The following RTKN2 variants were observed in gnomAD, a reference collection of about 807,000 sequenced individuals.
The protein encoded by RTKN2 is rhotekin 2.
A neutral mutation model predicts 71.5 loss-of-function variants in RTKN2; 69 were observed. The observed-to-expected ratio is 0.96, with a 90% CI of 0.79 to 1.18. RTKN2 has a LOEUF of 1.18. RTKN2 is among the 50% of genes most tolerant of loss of function. The probability of loss-of-function intolerance (pLI) is 0.00; values close to 1 mark genes in which losing one functional copy is unlikely to be tolerated. For synonymous variants in RTKN2, 236 were observed against 236.5 expected (o/e 1.00, Z 0.02); for missense variants, 724 against 719.7 (o/e 1.01, Z -0.07).
At chr10:62,268,139 T>C (rs2133123899) in intron 1 of RTKN2, among the ~76,000 whole-genome samples, 1 of 152,318 alleles carries the variant, frequency 6.6e-6, no homozygotes, top group East Asian at 1.9e-4. Flanking sequence ...TAGACATCGC[T>C]CCATTACTGT....
chr10:62,261,157 C>T (rs1842765830), intron 2 of RTKN2, among the ~76,000 whole-genome samples: 1 of 152,182 alleles, frequency 6.6e-6, no homozygotes, highest in Non-Finnish European at 1.5e-5. Context: ...AAACATTTTC[C>T]TACATTATGC....
intron 2 of RTKN2, among the ~76,000 whole-genome samples, chr10:62,247,647 T>C (rs1274917998): frequency 1.3e-5 from 2 of 152,010 alleles, no homozygotes; most frequent in Non-Finnish European, 2.9e-5. Flanking sequence ...TGCTTATTAC[T>C]TCCTCACAGA....
At chr10:62,231,569 CA>C (rs1290939008) in intron 6 of RTKN2, among the ~76,000 whole-genome samples, 2 of 152,152 alleles carry the variant, frequency 1.3e-5, no homozygotes, top group African/African-American at 4.8e-5. Context: ...TCTAAAACAT[CA>C]CACTCATTCC....
intron 10 of RTKN2, among the ~76,000 whole-genome samples, 191 bp downstream of exon 10, chr10:62,204,666 A>G (rs1395170569): frequency 6.6e-6 from 1 of 152,202 alleles, no homozygotes; most frequent in African/African-American, 2.4e-5. Flanking sequence ...CCAAACGTAT[A>G]CTATACAATA....
intron 4 of RTKN2, 111 bp from the exon 5 acceptor site, chr10:62,239,876 C>T (rs1842337940): frequency 3.1e-6 from 2 of 646,478 alleles, no homozygotes. Flanking sequence ...TCTTTTCATA[C>T]ATTGTATACT....
rs1841253822 is a variant in RTKN2, at chr10:62,193,290, T to C, written c.*4618A>G. On this transcript the variant is annotated 3_prime_UTR_variant, in exon 12 of 12. Coordinates refer to ENST00000373789, the MANE Select transcript of RTKN2 (RefSeq NM_145307.4). ...TTCAATCTACCTCTCCTTTAGTAGTTACATTAAGAGATTACCATGTCTCAA... is the reference window on the plus strand; with the variant it reads ...TTCAATCTACCTCTCCTTTAGTAGTCACATTAAGAGATTACCATGTCTCAA... The C allele has an allele frequency of 3.1e-6, 3 of 974,560 alleles. No individual in the cohort carries two copies. Among genetic ancestry groups the C allele is most frequent in the South Asian group, 9.5e-5 (2 of 21,060 alleles). The allele number at this position is 974,560 out of a possible 1,614,324, so 60.4% of individuals were successfully genotyped here. A position where few individuals can be genotyped will look rare whatever the true frequency, so the allele number is the denominator to read the frequency against.
Position 62,198,077 on chromosome 10 carries a change from T to A in RTKN2, c.1661A>T (p.Lys554Ile). 1 of 1,614,142 alleles carries A rather than the reference T, an allele frequency of 6.2e-7. No homozygotes were observed. The highest frequency in any genetic ancestry group is 8.5e-7 in the Non-Finnish European group (1 of 1,179,994). Residue 554 changes from lysine to isoleucine, a missense_variant, in exon 12 of 12, where the codon AAA becomes ATA. Transcript: ENST00000373789. ...KLSTLMHHLQKPMAAPRKLLP... is the reference protein window; with the variant it reads ...KLSTLMHHLQIPMAAPRKLLP... ...AAGTTTTCGAGGAGCAGCCATTGGT[T>A]TCTGTAAGTGATGCATTAGAGTTGA...
intron 4 of RTKN2, 22 bp downstream of exon 4, chr10:62,241,120 T>G (rs766406906): frequency 7.1e-7 from 1 of 1,404,600 alleles, no homozygotes; most frequent in African/African-American, 1.4e-5. Context: ...ACATTTCAAT[T>G]ACAAATTAAA....
Position 62,195,016 on chromosome 10 carries a change from T to C in RTKN2, c.*2892A>G. On this transcript the variant is annotated 3_prime_UTR_variant, in exon 12 of 12. Coordinates refer to ENST00000373789, the MANE Select transcript of RTKN2 (RefSeq NM_145307.4). ...GACTATTTACCTTAGGAGGTGTGCA[T>C]TTAGAATTTTAAAAATGCCTTCTTT... 1.0e-6 allele frequency: 1 copy of C among 985,216 alleles called. No individual in the cohort carries two copies. Among genetic ancestry groups the C allele is most frequent in the Non-Finnish European group, 1.2e-6 (1 of 829,732 alleles). 61.0% of individuals were successfully genotyped at this position (985,216 alleles called of 1,614,324 possible).
At chr10:62,245,615 T>C (rs1480136987) in intron 3 of RTKN2, among the ~76,000 whole-genome samples, 1 of 152,124 alleles carries the variant, frequency 6.6e-6, no homozygotes, top group South Asian at 2.1e-4. Flanking sequence ...CAAAACCTCA[T>C]GGAACTTCTG....
chr10:62,244,407 A>G (rs1842439287), intron 3 of RTKN2, among the ~76,000 whole-genome samples: 1 of 152,134 alleles, frequency 6.6e-6, no homozygotes. Flanking sequence ...TTTTTATTTT[A>G]TTTTAAATAC....
chr10:62,218,083 T>C lies in RTKN2; in HGVS notation c.888+112A>G, dbSNP rs113180872. ...CTGATAACATTTAGAAAACTGACAT[T>C]TAAAAAAAGACTTAAAAAATACTTC... On this transcript the variant is annotated intron_variant, in intron 8 of 11. Coordinates refer to ENST00000373789, the MANE Select transcript of RTKN2 (RefSeq NM_145307.4). 0.015 allele frequency: 10,563 copies of C among 685,738 alleles called. 781 individuals are homozygous for C. The African/African-American group carries it at 0.16, about 11-fold the overall frequency. The allele number at this position is 685,738 out of a possible 1,614,324, so 42.5% of individuals were successfully genotyped here.
chr10:62,188,516 CAG>C (rs1236227361), downstream of RTKN2, among the ~76,000 whole-genome samples: 1 of 152,244 alleles, frequency 6.6e-6, no homozygotes, highest in East Asian at 1.9e-4. Flanking sequence ...GGAAGAGTGT[CAG>C]AGAGTTCGTG....
chr10:62,219,567 G>T (rs981736489), intron 7 of RTKN2, among the ~76,000 whole-genome samples: 1 of 152,068 alleles, frequency 6.6e-6, no homozygotes, highest in Non-Finnish European at 1.5e-5. Context: ...TGAATGTCCT[G>T]ATAGTAGGAA....
intron 6 of RTKN2, among the ~76,000 whole-genome samples, chr10:62,227,593 G>C (rs78441529): frequency 1.1e-4 from 16 of 152,138 alleles, no homozygotes; most frequent in African/African-American, 3.9e-4. Flanking sequence ...GGTGGGGCAC[G>C]GTAAGGAACA....
chr10:62,221,010 T>C (rs1449457157), intron 7 of RTKN2, among the ~76,000 whole-genome samples: 1 of 151,508 alleles, frequency 6.6e-6, no homozygotes, highest in Non-Finnish European at 1.5e-5. Context: ...CATAACTCAC[T>C]AAAAGAAATT....
At chr10:62,212,398 A>G (rs902217471) in intron 9 of RTKN2, among the ~76,000 whole-genome samples, 1 of 150,486 alleles carries the variant, frequency 6.6e-6, no homozygotes, top group East Asian at 1.9e-4. Flanking sequence ...AATAAATAGG[A>G]AAAAAAAAGA....
intron 9 of RTKN2, among the ~76,000 whole-genome samples, chr10:62,213,110 G>A (rs1231050292): frequency 6.6e-6 from 1 of 152,184 alleles, no homozygotes; most frequent in Non-Finnish European, 1.5e-5. Context: ...AAGGACATAT[G>A]TAGAAGGAAA....
chr10:62,238,526 C>G (rs1041072684), intron 5 of RTKN2: 1 of 151,822 alleles, frequency 6.6e-6, no homozygotes, highest in African/African-American at 2.4e-5. Flanking sequence ...AAAAAAAGTT[C>G]ACTAGCAATA....
Sources: allele counts gnomAD v4.1 joint callset (sites outside exome capture counted in the v4.1 genomes callset), GRCh38; gene constraint gnomAD v4.1.1; transcripts MANE v1.5; gene names NCBI Gene and HGNC (gene_info 2026-07-23, HGNC 2026-07-21).